The following KCNQ2 variants were observed in gnomAD, a reference collection of about 807,000 sequenced individuals.
KCNQ2 encodes the protein potassium voltage-gated channel subfamily Q member 2, also known as potassium voltage-gated channel subfamily KQT member 2.
Under a neutral mutation model 84.8 loss-of-function variants are expected in KCNQ2, and 14 were observed. That is an observed-to-expected ratio of 0.17 (90% CI 0.11 to 0.26). The LOEUF is 0.26. Among genes scored for constraint, KCNQ2 ranks in the 10% least tolerant of loss-of-function variants. The pLI, the probability that KCNQ2 is intolerant of heterozygous loss-of-function variation, is 1.00. For synonymous variants in KCNQ2, 599 were observed against 554.1 expected (o/e 1.08, Z -1.14); for missense variants, 788 against 1,254.0 (o/e 0.63, Z 5.61).
chr20:63,419,950 G>A (rs2080415914), intron 11 of KCNQ2, among the ~76,000 whole-genome samples: 1 of 152,212 alleles, frequency 6.6e-6, no homozygotes, highest in African/African-American at 2.4e-5. Flanking sequence ...TGTCTTAAAA[G>A]ATGTATTATT....
At chr20:63,430,970 G>A (rs1292432099) in intron 9 of KCNQ2, among the ~76,000 whole-genome samples, 1 of 152,222 alleles carries the variant, frequency 6.6e-6, no homozygotes, top group Non-Finnish European at 1.5e-5. Flanking sequence ...TCACAGATGG[G>A]GCCTGTGGGG....
chr20:63,438,406 C>T lies in KCNQ2; in HGVS notation c.1023+219G>A, dbSNP rs149214389. ...CCACACAAGGCAAGGGCCACCCCAGCGTCCTCACACGAGCCACCCCTGTGC... is the reference window on the plus strand; with the variant it reads ...CCACACAAGGCAAGGGCCACCCCAGTGTCCTCACACGAGCCACCCCTGTGC... On this transcript the variant is annotated intron_variant, in intron 7 of 16. Transcript: ENST00000359125. The surrounding 1 kb of genome is among the most constrained non-coding windows in gnomAD (Gnocchi z 5.1). 1.0e-3 allele frequency: 628 copies of T among 614,640 alleles called. 9 individuals are homozygous for T. In the East Asian group the frequency reaches 0.016, roughly 16 times the overall value. 38.1% of individuals were successfully genotyped at this position (614,640 alleles called of 1,614,324 possible).
Position 63,434,168 on chromosome 20 carries a change from C to A in KCNQ2, c.1024-265G>T, listed in dbSNP as rs1186717884. On this transcript the variant is annotated intron_variant, in intron 7 of 16. Coordinates refer to ENST00000359125, the MANE Select transcript of KCNQ2 (RefSeq NM_172107.4). The stretch of plus-strand genomic sequence containing the variant: ...TTGGGGCTTGACTCGGGGCCCTGAG[C>A]GAGCTCGCAGGGAGGCTGTGTTCTT... 35 of 525,804 alleles carry A rather than the reference C, an allele frequency of 6.7e-5. 1 individual carries two copies. In the East Asian group the frequency reaches 6.8e-4, roughly 10 times the overall value. The allele number at this position is 525,804 out of a possible 1,614,324, so 32.6% of individuals were successfully genotyped here. A position where few individuals can be genotyped will look rare whatever the true frequency, so the allele number is the denominator to read the frequency against.
rs552808555 is a variant in KCNQ2, at chr20:63,400,636, C to T, written c.*6008G>A. ...CAAAAGTGCAGACAGCCAGAGGCAA[C>T]GGCGCAAATGGGGAAGCTGCAGCCA... On this transcript the variant is annotated 3_prime_UTR_variant, in exon 17 of 17. Coordinates refer to ENST00000359125, the MANE Select transcript of KCNQ2 (RefSeq NM_172107.4). The surrounding 1 kb of genome is among the most constrained non-coding windows in gnomAD (Gnocchi z 8.7). 1.2e-4 allele frequency: 46 copies of T among 398,662 alleles called. No homozygotes were observed. The highest frequency in any genetic ancestry group is 6.4e-4 in the South Asian group (5 of 7,862). The allele number at this position is 398,662 out of a possible 1,614,324, so 24.7% of individuals were successfully genotyped here. A position where few individuals can be genotyped will look rare whatever the true frequency, so the allele number is the denominator to read the frequency against.
intron 11 of KCNQ2, chr20:63,423,841 A>C: frequency 2.4e-6 from 1 of 410,280 alleles, no homozygotes; most frequent in South Asian, 3.3e-5. Context: ...CTGCAGCTGG[A>C]GGGAGCGCAC....
chr20:63,442,998 T>C (rs796961518), intron 4 of KCNQ2, among the ~76,000 whole-genome samples: 582 of 25,888 alleles, frequency 0.022, no homozygotes, highest in Middle Eastern at 0.091. Flanking sequence ...ACCATCACCA[T>C]CACCACCATC....
At chr20:63,470,919 G>A (rs1452761963) in intron 1 of KCNQ2, 2 of 152,292 alleles carry the variant, frequency 1.3e-5, no homozygotes, top group East Asian at 3.9e-4. Flanking sequence ...GCTTCTGCTT[G>A]GGGAGTCCCA....
intron 11 of KCNQ2, among the ~76,000 whole-genome samples, chr20:63,420,369 G>A (rs777239254): frequency 2.6e-5 from 4 of 152,238 alleles, no homozygotes; most frequent in Non-Finnish European, 5.9e-5. Context: ...AAACCCTGGC[G>A]ATTTAGCTCT....
Position 63,471,539 on chromosome 20 carries a change from CAGCGCAGGAGCTG to C in KCNQ2, c.296+616_296+628del, listed in dbSNP as rs1005487127. On this transcript the variant is annotated intron_variant, in intron 1 of 16. Coordinates refer to ENST00000359125, the MANE Select transcript of KCNQ2 (RefSeq NM_172107.4). ...GCGGCCGGCGGCTGCAGAGATGGGA[CAGCGCAGGAGCTG>C]AGCGCAGGAGCTGAGGGGGTTCGCG... Among the ~76,000 whole-genome samples the C allele has an allele frequency of 8.5e-5, 13 of 152,244 alleles. No individual in the cohort carries two copies. The East Asian group carries it at 1.9e-3, about 23-fold the overall frequency.
At chr20:63,409,297 G>C (rs2080041765) in intron 15 of KCNQ2, among the ~76,000 whole-genome samples, 1 of 152,226 alleles carries the variant, frequency 6.6e-6, no homozygotes, top group Non-Finnish European at 1.5e-5. Flanking sequence ...ATGTGTGCAA[G>C]AGTGTGCACG....
intron 3 of KCNQ2, 107 bp from the exon 4 acceptor site, chr20:63,444,941 G>A (rs907022857): frequency 1.6e-6 from 2 of 1,264,472 alleles, no homozygotes; most frequent in Admixed American, 2.5e-5. Context: ...GGGCGGGAAG[G>A]TGTATGCCCA....
Position 63,438,530 on chromosome 20 carries a change from A to G in KCNQ2, c.1023+95T>C. On this transcript the variant is annotated intron_variant, in intron 7 of 16. Coordinates refer to ENST00000359125, the MANE Select transcript of KCNQ2 (RefSeq NM_172107.4). The surrounding 1 kb of genome is among the most constrained non-coding windows in gnomAD (Gnocchi z 5.1). ...GGTGAGCGCTGTGGCCCATCCACAGACAGGGCAATGCCAAAGCCCCAGCGG... is the reference window on the plus strand; with the variant it reads ...GGTGAGCGCTGTGGCCCATCCACAGGCAGGGCAATGCCAAAGCCCCAGCGG... 3.0e-6 allele frequency: 3 copies of G among 1,002,628 alleles called. No individual in the cohort carries two copies. Among genetic ancestry groups the G allele is most frequent in the South Asian group, 1.3e-5 (1 of 79,066 alleles). 62.1% of individuals were successfully genotyped at this position (1,002,628 alleles called of 1,614,324 possible). A position where few individuals can be genotyped will look rare whatever the true frequency, so the allele number is the denominator to read the frequency against.
rs1049518508 is a variant in KCNQ2, at chr20:63,411,838, T to A, written c.1763+1612A>T. ...GGGTCCTTTGGTGGGGTACTTCTTG[T>A]GCCGGGGAGTTGAAGGGGGCGGGGG... is the stretch of plus-strand genomic sequence containing the variant. On this transcript the variant is annotated intron_variant, in intron 15 of 16. Coordinates refer to ENST00000359125, the MANE Select transcript of KCNQ2 (RefSeq NM_172107.4). 6 of 702,522 alleles carry A rather than the reference T, an allele frequency of 8.5e-6. No homozygotes were observed. The African/African-American group carries it at 1.1e-4, about 13-fold the overall frequency. 43.5% of individuals were successfully genotyped at this position (702,522 alleles called of 1,614,324 possible). A position where few individuals can be genotyped will look rare whatever the true frequency, so the allele number is the denominator to read the frequency against.
intron 8 of KCNQ2, 37 bp downstream of exon 8, chr20:63,433,772 A>G: frequency 6.2e-7 from 1 of 1,613,768 alleles, no homozygotes; most frequent in African/African-American, 1.3e-5. Flanking sequence ...ATAAAAAATG[A>G]AACAGTTGCT....
At chr20:63,421,825 G>A (rs995360601) in intron 11 of KCNQ2, among the ~76,000 whole-genome samples, 12 of 151,998 alleles carry the variant, frequency 7.9e-5, no homozygotes, top group Non-Finnish European at 1.6e-4. Context: ...GAGACCCCCC[G>A]GGACCCCCCT....
chr20:63,407,466 C>G lies in KCNQ2; in HGVS notation c.1888-91G>C. ...CTCCCAGGAAATGGGGGGGCCCAGG[C>G]TGGTTCCAGGAAACAGGAGAGACCC... is the stretch of plus-strand genomic sequence containing the variant. On this transcript the variant is annotated intron_variant, in intron 16 of 16. Coordinates refer to ENST00000359125, the MANE Select transcript of KCNQ2 (RefSeq NM_172107.4). This position sits in a 1 kb window ranked among gnomAD's most constrained non-coding sequence, Gnocchi z 7.2. The G allele has an allele frequency of 7.0e-7, 1 of 1,431,656 alleles. No homozygotes were observed. The highest frequency in any genetic ancestry group is 9.5e-7 in the Non-Finnish European group (1 of 1,051,898). 88.7% of individuals were successfully genotyped at this position (1,431,656 alleles called of 1,614,324 possible).
chr20:63,455,087 G>A (rs560624791), intron 1 of KCNQ2, among the ~76,000 whole-genome samples: 2 of 152,230 alleles, frequency 1.3e-5, no homozygotes, highest in Non-Finnish European at 2.9e-5. Context: ...CTTCCTACGG[G>A]AGAATGGGGG....
chr20:63,441,082 C>T, intron 5 of KCNQ2, among the ~76,000 whole-genome samples: 1 of 212 alleles, frequency 4.7e-3, no homozygotes, highest in Non-Finnish European at 8.5e-3. Flanking sequence ...ATTCTCCTGC[C>T]TCAGCCTCCC....
chr20:63,445,400 T>C, intron 2 of KCNQ2, 36 bp from the exon 3 acceptor site: 2 of 1,610,398 alleles, frequency 1.2e-6, no homozygotes, highest in Non-Finnish European at 1.7e-6. Context: ...CCTTGAGGCC[T>C]GGGGGAGGGC....
Sources: allele counts gnomAD v4.1 joint callset (sites outside exome capture counted in the v4.1 genomes callset), GRCh38; gene constraint gnomAD v4.1.1; non-coding constraint Gnocchi (gnomAD v3.1); transcripts MANE v1.5; gene names NCBI Gene and HGNC (gene_info 2026-07-23, HGNC 2026-07-21).